PARM1: variants seen among roughly 807,000 people sequenced by gnomAD.
PARM1 encodes the protein prostate androgen-regulated mucin-like protein 1.
Under a neutral mutation model 24.6 loss-of-function variants are expected in PARM1, and 14 were observed. The ratio of observed to expected loss-of-function variants is 0.57; its 90% confidence interval spans 0.38 to 0.89. The LOEUF is 0.89. PARM1 is among the 40% of genes least tolerant of loss of function. PARM1 has a pLI of 0.00. For missense variants in PARM1, 362 were observed against 380.4 expected (o/e 0.95, Z 0.40); for synonymous variants, 179 against 156.6 (o/e 1.14, Z -1.07).
Position 75,013,103 on chromosome 4 carries a change from C to T in PARM1, c.722C>T (p.Thr241Ile). 1 of 1,613,982 alleles carries T rather than the reference C, an allele frequency of 6.2e-7. No homozygotes were observed. Among genetic ancestry groups the T allele is most frequent in the Non-Finnish European group, 8.5e-7 (1 of 1,179,880 alleles). ...CELIDMETTTTFPRVIMQEVE... is the reference protein window; with the variant it reads ...CELIDMETTTIFPRVIMQEVE... ...CTCATAGACATGGAGACCACCACCA[C>T]CTTTCCCAGGGTGATCATGCAGGAA... is the stretch of plus-strand genomic sequence containing the variant. The change falls in exon 2 of 4, where the codon ACC becomes ATC. Residue 241 changes from threonine to isoleucine, a missense_variant. Transcript: ENST00000307428.
intron 1 of PARM1, among the ~76,000 whole-genome samples, chr4:74,984,011 C>T (rs936549921): frequency 6.6e-6 from 1 of 152,186 alleles, no homozygotes; most frequent in Non-Finnish European, 1.5e-5. Flanking sequence ...ATTGCCTCAG[C>T]CATCCAAGTA....
At chr4:74,966,854 G>A (rs10518134) in intron 1 of PARM1, 6,210 of 152,202 alleles carry the variant, frequency 0.041, 410 homozygotes, top group African/African-American at 0.14. Flanking sequence ...TGGCATTACG[G>A]GTGTTGATGT....
chr4:74,934,088 C>A (rs1685669278), intron 1 of PARM1, among the ~76,000 whole-genome samples: 1 of 152,134 alleles, frequency 6.6e-6, no homozygotes, highest in Non-Finnish European at 1.5e-5. Context: ...TTCGTAGGAG[C>A]CACTCTCGGG....
At chr4:74,976,816 A>C (rs1421586995) in intron 1 of PARM1, among the ~76,000 whole-genome samples, 1 of 152,120 alleles carries the variant, frequency 6.6e-6, no homozygotes, top group Non-Finnish European at 1.5e-5. Context: ...GACCCAGGTG[A>C]ATAGGGTCTG....
chr4:75,041,482 G>T (rs1723483122), intron 3 of PARM1, among the ~76,000 whole-genome samples: 1 of 152,166 alleles, frequency 6.6e-6, no homozygotes, highest in Admixed American at 6.5e-5. Context: ...AGAGGGCTTT[G>T]TGGGGCATAG....
chr4:74,939,547 T>C (rs1297987394), intron 1 of PARM1, among the ~76,000 whole-genome samples: 1 of 150,162 alleles, frequency 6.7e-6, no homozygotes, highest in African/African-American at 2.5e-5. Flanking sequence ...TGATTAAAAC[T>C]GAAAGCTTTG....
In PARM1 at chr4:74,935,580, G is replaced by A. The variant is rs576537915; in HGVS notation, c.43+2210G>A. Among the ~76,000 whole-genome samples the A allele has an allele frequency of 1.5e-4, 23 of 152,250 alleles. No homozygotes were observed. In the South Asian group the frequency reaches 4.4e-3, roughly 29 times the overall value. On this transcript the variant is annotated intron_variant, in intron 1 of 3. Transcript: ENST00000307428. ...GCAAATCTCTAGTTAGTTTCACCAGGCCTTGTGTCTTTTCTGTTTCCTTCT... is the reference window on the plus strand; with the variant it reads ...GCAAATCTCTAGTTAGTTTCACCAGACCTTGTGTCTTTTCTGTTTCCTTCT...
intron 1 of PARM1, among the ~76,000 whole-genome samples, chr4:75,001,282 C>G (rs1195481486): frequency 6.6e-6 from 1 of 152,152 alleles, no homozygotes; most frequent in East Asian, 1.9e-4. Context: ...CAACCAAGTA[C>G]AATTTATAAT....
At chr4:74,942,016 A>G (rs562218591) in intron 1 of PARM1, among the ~76,000 whole-genome samples, 1 of 152,124 alleles carries the variant, frequency 6.6e-6, no homozygotes, top group African/African-American at 2.4e-5. Flanking sequence ...AGGAATACCA[A>G]CTCTGTGCTC....
chr4:75,024,060 A>G (rs1329486396), intron 2 of PARM1, among the ~76,000 whole-genome samples: 3 of 152,154 alleles, frequency 2.0e-5, no homozygotes, highest in African/African-American at 7.2e-5. Context: ...TCACGAGGTC[A>G]GGAGATCAAG....
At chr4:74,945,184 G>A (rs745760034) in intron 1 of PARM1, among the ~76,000 whole-genome samples, 10 of 152,162 alleles carry the variant, frequency 6.6e-5, no homozygotes. Flanking sequence ...AATGTATGTT[G>A]TGTGCGCCTG....
At chr4:75,039,521 G>A (rs186540449) in intron 3 of PARM1, among the ~76,000 whole-genome samples, 26 of 151,756 alleles carry the variant, frequency 1.7e-4, no homozygotes, top group African/African-American at 5.6e-4. Context: ...GTGACACAGC[G>A]AGAAAAAAAA....
chr4:74,962,636 G>C (rs962548264), intron 1 of PARM1, among the ~76,000 whole-genome samples: 2 of 152,192 alleles, frequency 1.3e-5, no homozygotes, highest in African/African-American at 4.8e-5. Context: ...CAAGAGAGCA[G>C]GGGTGAATAG....
At chr4:74,956,054 TAA>T (rs1721624676) in intron 1 of PARM1, 1 of 152,260 alleles carries the variant, frequency 6.6e-6, no homozygotes, top group Admixed American at 6.5e-5. Flanking sequence ...TTCTGCTCTC[TAA>T]ATTCTAATTT....
At chr4:75,019,064 A>T (rs1723040200) in intron 2 of PARM1, among the ~76,000 whole-genome samples, 1 of 152,208 alleles carries the variant, frequency 6.6e-6, no homozygotes, top group Non-Finnish European at 1.5e-5. Flanking sequence ...CAGCCATGCA[A>T]AATTGGCTGT....
Position 74,979,172 on chromosome 4 carries a change from A to G in PARM1, c.44-33253A>G, listed in dbSNP as rs1032694973. 3.9e-5 allele frequency among the ~76,000 whole-genome samples: 6 copies of G among 151,940 alleles called. No individual in the cohort carries two copies. In the East Asian group the frequency reaches 5.8e-4, roughly 15 times the overall value. ...CAAAAAAAAACCTTCGAAAAAATCAATGAATCCAGGAGCTGTTCTTTTTTA... is the reference window on the plus strand; with the variant it reads ...CAAAAAAAAACCTTCGAAAAAATCAGTGAATCCAGGAGCTGTTCTTTTTTA... On this transcript the variant is annotated intron_variant, in intron 1 of 3. Transcript: ENST00000307428.
chr4:75,012,946 G>A lies in PARM1; in HGVS notation c.565G>A (p.Ala189Thr). The change falls in exon 2 of 4, where the codon GCT becomes ACT. Residue 189 changes from alanine (A) to threonine (T), a missense_variant. Physicochemically the swap from Ala to Thr is moderately conservative, Grantham distance 58. Coordinates refer to ENST00000307428, the MANE Select transcript of PARM1 (RefSeq NM_015393.4). ...STVTSTQPTG[A>T]PTAPESPTEE... ...TGTGACCAGCACCCAACCCACTGGAGCTCCAACTGCACCAGAGTCCCCGAC... is the reference window on the plus strand; with the variant it reads ...TGTGACCAGCACCCAACCCACTGGAACTCCAACTGCACCAGAGTCCCCGAC... The A allele has an allele frequency of 6.2e-7, 1 of 1,613,928 alleles. No individual in the cohort carries two copies. Among genetic ancestry groups the A allele is most frequent in the South Asian group, 1.1e-5 (1 of 91,080 alleles).
intron 1 of PARM1, among the ~76,000 whole-genome samples, chr4:74,950,886 C>G (rs1721509454): frequency 6.6e-6 from 1 of 151,078 alleles, no homozygotes; most frequent in African/African-American, 2.4e-5. Context: ...GGTTCCTGAC[C>G]ACTAAATACC....
At chr4:75,012,098 A>G (rs1722881367) in intron 1 of PARM1, among the ~76,000 whole-genome samples, 1 of 152,148 alleles carries the variant, frequency 6.6e-6, no homozygotes, top group South Asian at 2.1e-4. Context: ...CCATAAATCA[A>G]TTCTCCAGGG....
Sources: allele counts gnomAD v4.1 joint callset (sites outside exome capture counted in the v4.1 genomes callset), GRCh38; gene constraint gnomAD v4.1.1; transcripts MANE v1.5; gene names NCBI Gene and HGNC (gene_info 2026-07-23, HGNC 2026-07-21).